The following OFD1 variants were observed in gnomAD, a reference collection of about 807,000 sequenced individuals.
OFD1 encodes the protein centriole and centriolar satellite protein OFD1.
OFD1 carries 12 observed loss-of-function variants against 81.4 expected under a neutral mutation model. That is an observed-to-expected ratio of 0.15 (90% CI 0.09 to 0.24). The LOEUF (loss-of-function observed/expected upper bound fraction) is 0.24. Ranked by LOEUF, OFD1 falls within the 10% of genes least tolerant of loss-of-function variation. The pLI, the probability that OFD1 is intolerant of heterozygous loss-of-function variation, is 1.00. For synonymous variants in OFD1, 256 were observed against 263.7 expected (o/e 0.97, Z 0.28); for missense variants, 685 against 733.9 (o/e 0.93, Z 0.77).
intron 10 of OFD1, chrX:13,753,105 G>A: frequency 2.1e-6 from 2 of 973,655 alleles, no homozygotes; most frequent in Non-Finnish European, 2.6e-6. Flanking sequence ...ATTGCTTTCA[G>A]TAAGTAACCT....
chrX:13,744,373 G>C, intron 5 of OFD1, 42 bp from the exon 6 acceptor site: 1 of 744,371 alleles, frequency 1.3e-6, no homozygotes, highest in South Asian at 2.1e-5. Flanking sequence ...CTGAGCAGTG[G>C]TTGAAAGTTC....
chrX:13,736,315 G>A, intron 2 of OFD1, 163 bp from the exon 3 acceptor site: 3 of 1,098,967 alleles, frequency 2.7e-6, no homozygotes, highest in Non-Finnish European at 3.6e-6. Flanking sequence ...AAGTGTGCAG[G>A]GGAAGGTTTC....
At position 13,768,853 on chromosome X, in the gene OFD1, CAG is replaced by C. The variant is rs1011688183; in HGVS notation, c.2996+70_2996+71del. ...TGCTTATTTTGTCAGCCAAGAGAAA[CAG>C]ATGTTTGAGATTGCCTGTAAGAAGT... On this transcript the variant is annotated intron_variant, in intron 22 of 22. Coordinates refer to ENST00000340096, the MANE Select transcript of OFD1 (RefSeq NM_003611.3). The C allele has an allele frequency of 7.2e-6, 7 of 970,874 alleles. No homozygotes were observed. The African/African-American group carries it at 1.3e-4, about 19-fold the overall frequency. 80.0% of individuals were successfully genotyped at this position (970,874 alleles called of 1,213,427 possible). A position where few individuals can be genotyped will look rare whatever the true frequency, so the allele number is the denominator to read the frequency against.
intron 5 of OFD1, among the ~76,000 whole-genome samples, chrX:13,741,438 C>T (rs747789349): frequency 3.6e-5 from 4 of 112,041 alleles, no homozygotes; most frequent in Non-Finnish European, 7.5e-5. Context: ...CTGACTCAGA[C>T]CTATGGTCTT....
At chrX:13,751,435 T>G in intron 10 of OFD1, 67 bp downstream of exon 10, 1 of 952,723 alleles carries the variant, frequency 1.0e-6, no homozygotes, top group Non-Finnish European at 1.5e-6. Flanking sequence ...TAACAAAAAC[T>G]GACAAAGTAG....
intron 6 of OFD1, 59 bp from the exon 7 acceptor site, chrX:13,746,260 G>A: frequency 9.2e-7 from 1 of 1,090,174 alleles, no homozygotes; most frequent in Non-Finnish European, 1.3e-6. Context: ...CAGAGGTCTG[G>A]CGTCTTACGC....
At chrX:13,769,909 C>G (rs1480155250), downstream of OFD1, among the ~76,000 whole-genome samples, 1 of 112,245 alleles carries the variant, frequency 8.9e-6, no homozygotes, top group East Asian at 2.8e-4. Flanking sequence ...AAATACATTT[C>G]TGGTCTTTGT....
At chrX:13,772,548 A>G (rs189976990), downstream of OFD1, 8 of 190,315 alleles carry the variant, frequency 4.2e-5, no homozygotes, top group Admixed American at 4.0e-4. Context: ...ACAGGTCCCT[A>G]TTAAGGAGTG....
intron 18 of OFD1, among the ~76,000 whole-genome samples, chrX:13,763,439 A>G (rs2048010999): frequency 8.9e-6 from 1 of 112,974 alleles, no homozygotes; most frequent in Non-Finnish European, 1.9e-5. Flanking sequence ...TGATATTTTA[A>G]TAGAATTCAA....
chrX:13,773,272 A>T, downstream of OFD1: 2 of 249,110 alleles, frequency 8.0e-6, no homozygotes, highest in Non-Finnish European at 1.4e-5. Flanking sequence ...GGCCAAAGGT[A>T]TTGTTAAGAA....
At chrX:13,738,692 TAAGA>T (rs1602780235) in intron 3 of OFD1, 150 bp from the exon 4 acceptor site, 1 of 448,965 alleles carries the variant, frequency 2.2e-6, no homozygotes, top group East Asian at 3.7e-5. Context: ...TTTAACAGTG[TAAGA>T]AAGAGCTTGA....
chrX:13,742,434 G>A (rs1179268674), intron 5 of OFD1, among the ~76,000 whole-genome samples: 3 of 112,171 alleles, frequency 2.7e-5, no homozygotes, highest in African/African-American at 9.7e-5. Flanking sequence ...TTCGTGATGA[G>A]ATGTAACACC....
At chrX:13,770,380 T>G (rs985526441), downstream of OFD1, among the ~76,000 whole-genome samples, 2 of 112,233 alleles carry the variant, frequency 1.8e-5, no homozygotes, top group African/African-American at 6.5e-5. Context: ...TGGCCATGTG[T>G]CAATAGTGAC....
At chrX:13,750,729 A>G (rs1348640766) in intron 9 of OFD1, among the ~76,000 whole-genome samples, 1 of 112,253 alleles carries the variant, frequency 8.9e-6, no homozygotes, top group Non-Finnish European at 1.9e-5. Context: ...CTCCTGCCTC[A>G]GCCTTCTGAA....
At chrX:13,771,855 A>G (rs1296042488), downstream of OFD1, 1 of 112,390 alleles carries the variant, frequency 8.9e-6, no homozygotes, top group Non-Finnish European at 1.9e-5. Flanking sequence ...TACCAACCCT[A>G]ATTTAAATTA....
intron 11 of OFD1, 105 bp downstream of exon 11, chrX:13,753,546 C>A: frequency 1.4e-6 from 1 of 720,565 alleles, no homozygotes; most frequent in Admixed American, 2.9e-5. Context: ...GCTTACACTT[C>A]ATTGTTCATA....
chrX:13,726,357 G>C, the OFD1 span, among the ~76,000 whole-genome samples: 6 of 111,883 alleles, frequency 5.4e-5, no homozygotes, highest in Non-Finnish European at 9.4e-5. Flanking sequence ...GGGCAGCAGA[G>C]AGAAAGGTCG....
rs907853425 is a variant in OFD1 at position 13,734,881 on chromosome X, T to A, written c.-191T>A. ...CGCGAAGAAAGGAAGCTCGCGTGTT[T>A]GCTAGAAAACCTAGTTGGGAGTGCG... On this transcript the variant is annotated 5_prime_UTR_variant, in exon 1 of 23. Coordinates refer to ENST00000340096, the MANE Select transcript of OFD1 (RefSeq NM_003611.3). 8 of 1,084,040 alleles carry A rather than the reference T, an allele frequency of 7.4e-6. No homozygotes were observed. The highest frequency in any genetic ancestry group is 8.3e-6 in the Non-Finnish European group (7 of 840,520). The allele number at this position is 1,084,040 out of a possible 1,213,427, so 89.3% of individuals were successfully genotyped here.
At chrX:13,729,658 C>T in the OFD1 span, among the ~76,000 whole-genome samples, 1 of 111,782 alleles carries the variant, frequency 8.9e-6, no homozygotes, top group African/African-American at 3.3e-5. Context: ...CCTGTAATCC[C>T]GGCACTTTGG....
Sources: allele counts gnomAD v4.1 joint callset (sites outside exome capture counted in the v4.1 genomes callset), GRCh38; gene constraint gnomAD v4.1.1; transcripts MANE v1.5; gene names NCBI Gene and HGNC (gene_info 2026-07-23, HGNC 2026-07-21).